The following EGFR variants were observed in gnomAD, a reference collection of about 807,000 sequenced individuals.
EGFR encodes avian erythroblastic leukemia viral (v-erb-b) oncogene homolog.
Under a neutral mutation model 143.0 loss-of-function variants are expected in EGFR, and 58 were observed. The observed-to-expected ratio is 0.41, with a 90% confidence interval of 0.33 to 0.50. The LOEUF (loss-of-function observed/expected upper bound fraction) is 0.50. Among genes scored for constraint, EGFR ranks in the 20% least tolerant of loss-of-function variants. The pLI is 0.39. For synonymous variants in EGFR, 613 were observed against 594.4 expected, an observed-to-expected ratio of 1.03 and a Z score of -0.45; for missense variants, 1,307 against 1,579.0, an observed-to-expected ratio of 0.83 and a Z score of 2.92.
chr7:55,102,358 A>G (rs1283058920), intron 1 of EGFR, among the ~76,000 whole-genome samples: 1 of 152,074 alleles, frequency 6.6e-6, no homozygotes, highest in Non-Finnish European at 1.5e-5. Flanking sequence ...ACTCCACTCC[A>G]CATTCTCCTG....
intron 1 of EGFR, among the ~76,000 whole-genome samples, chr7:55,027,986 AAAAAAATATATATATAT>A (rs1289718700): frequency 1.1e-5 from 1 of 88,668 alleles, no homozygotes; most frequent in African/African-American, 4.9e-5. Context: ...AAAAAAAAAA[AAAAAAATATATATATAT>A]ATATATATAT....
At chr7:55,064,217 A>T (rs1197446081) in intron 1 of EGFR, among the ~76,000 whole-genome samples, 1 of 152,258 alleles carries the variant, frequency 6.6e-6, no homozygotes, top group Non-Finnish European at 1.5e-5. Flanking sequence ...TGTATGTAGT[A>T]TCCACAGGTC....
chr7:55,087,866 C>T (rs111808032), intron 1 of EGFR, among the ~76,000 whole-genome samples: 2 of 152,324 alleles, frequency 1.3e-5, no homozygotes, highest in African/African-American at 4.8e-5. Context: ...GTCCTCTCCT[C>T]TTCTCCTTTT....
chr7:55,058,493 G>A (rs900453839), intron 1 of EGFR, among the ~76,000 whole-genome samples: 1 of 152,128 alleles, frequency 6.6e-6, no homozygotes, highest in Non-Finnish European at 1.5e-5. Context: ...TAAAGAAAAT[G>A]TGGTACATAT....
chr7:55,140,163 T>C (rs1008967356), intron 1 of EGFR, among the ~76,000 whole-genome samples: 1 of 152,132 alleles, frequency 6.6e-6, no homozygotes, highest in Non-Finnish European at 1.5e-5. Context: ...TGGCATGTTT[T>C]CCTTTATTTT....
rs376296725 is a variant in EGFR, at chr7:55,165,693, T to C, written c.1880+256T>C. 3.1e-4 allele frequency among the ~76,000 whole-genome samples: 47 copies of C among 151,812 alleles called. No homozygotes were observed. In the East Asian group the frequency reaches 4.6e-3, roughly 15 times the overall value. On this transcript the variant is annotated intron_variant, in intron 15 of 27. Transcript: ENST00000275493. ...AATGCTGCACATCACAACAGGAGGG[T>C]AGGGGGACAAAAGAGCACAGGTCCT...
intron 1 of EGFR, among the ~76,000 whole-genome samples, chr7:55,103,627 T>C (rs886708866): frequency 6.6e-6 from 1 of 152,214 alleles, no homozygotes; most frequent in African/African-American, 2.4e-5. Context: ...CTGTGGGTGG[T>C]GGTAGTTAAA....
At chr7:55,146,511 C>A (rs2128929200) in intron 3 of EGFR, 95 bp from the exon 4 acceptor site, 1 of 1,584,898 alleles carries the variant, frequency 6.3e-7, no homozygotes. Flanking sequence ...CATGGCATCT[C>A]TTTAGCAGAA....
intron 1 of EGFR, among the ~76,000 whole-genome samples, chr7:55,140,378 C>A (rs1436520174): frequency 1.3e-5 from 2 of 152,074 alleles, no homozygotes; most frequent in Non-Finnish European, 2.9e-5. Context: ...ACGAGGGGCC[C>A]AACTAACACT....
chr7:55,195,676 T>C (rs1417893698), intron 22 of EGFR, among the ~76,000 whole-genome samples: 1 of 152,138 alleles, frequency 6.6e-6, no homozygotes, highest in Non-Finnish European at 1.5e-5. Context: ...CCTCCCATCC[T>C]CCACCGTCCT....
intron 1 of EGFR, among the ~76,000 whole-genome samples, chr7:55,116,826 A>G (rs1351195362): frequency 3.3e-5 from 5 of 152,242 alleles, no homozygotes; most frequent in African/African-American, 1.2e-4. Context: ...CTGTGCTGCA[A>G]AATTGTATTT....
intron 1 of EGFR, among the ~76,000 whole-genome samples, chr7:55,055,723 C>CCCCACA (rs1554318494): frequency 1.3e-5 from 2 of 148,234 alleles, no homozygotes; most frequent in African/African-American, 5.0e-5. Context: ...CACACACACA[C>CCCCACA]CACACACACA....
chr7:55,094,368 G>C (rs1048427352), intron 1 of EGFR, among the ~76,000 whole-genome samples: 1 of 152,230 alleles, frequency 6.6e-6, no homozygotes, highest in African/African-American at 2.4e-5. Context: ...GGGGGCAGGG[G>C]GGGCCTCACT....
intron 1 of EGFR, among the ~76,000 whole-genome samples, chr7:55,107,457 T>C (rs1400385667): frequency 1.3e-5 from 2 of 152,230 alleles, no homozygotes; most frequent in East Asian, 3.8e-4. Flanking sequence ...ATAAAAAATC[T>C]ATTATTTCAG....
At chr7:55,185,424 C>T (rs986931420) in intron 20 of EGFR, among the ~76,000 whole-genome samples, 1 of 152,178 alleles carries the variant, frequency 6.6e-6, no homozygotes. Flanking sequence ...TACAAGCCAG[C>T]TAGTAAATCC....
intron 11 of EGFR, among the ~76,000 whole-genome samples, chr7:55,159,748 G>T (rs1202375601): frequency 6.6e-6 from 1 of 152,228 alleles, no homozygotes; most frequent in African/African-American, 2.4e-5. Flanking sequence ...ATAAATATAT[G>T]AATGGATAGA....
chr7:55,194,478 G>A (rs1279444806), intron 22 of EGFR, among the ~76,000 whole-genome samples: 3 of 151,926 alleles, frequency 2.0e-5, no homozygotes, highest in Non-Finnish European at 2.9e-5. Flanking sequence ...TGCCCGCCTC[G>A]GCCTCCCAAA....
At chr7:55,155,732 G>A (rs997590459) in intron 7 of EGFR, 98 bp from the exon 8 acceptor site, 1 of 882,376 alleles carries the variant, frequency 1.1e-6, no homozygotes, top group South Asian at 1.3e-5. Flanking sequence ...GGAGGATGGA[G>A]CCTTTCCATC....
intron 1 of EGFR, among the ~76,000 whole-genome samples, chr7:55,132,514 A>G (rs1011166469): frequency 1.3e-5 from 2 of 152,250 alleles, no homozygotes; most frequent in South Asian, 4.1e-4. Flanking sequence ...TGGTGGGACT[A>G]TGTATTTTAC....
Sources: gnomAD v4.1 joint callset for allele counts (sites outside exome capture counted in the v4.1 genomes callset) on GRCh38, gnomAD v4.1.1 for gene constraint, MANE v1.5 for transcripts, NCBI Gene and HGNC (gene_info 2026-07-23, HGNC 2026-07-21) for gene names.